The following TLK1 variants were observed in gnomAD, a reference collection of about 807,000 sequenced individuals.
TLK1 encodes the protein serine/threonine-protein kinase tousled-like 1.
TLK1 carries 24 observed loss-of-function variants against 105.3 expected under a neutral mutation model. The observed-to-expected ratio is 0.23, with a 90% CI of 0.17 to 0.32. The LOEUF (loss-of-function observed/expected upper bound fraction) is 0.32, where lower values mean the gene tolerates loss of function less well. TLK1 is among the 10% of genes least tolerant of loss of function. The probability of loss-of-function intolerance (pLI) is 1.00; values close to 1 mark genes in which losing one functional copy is unlikely to be tolerated. For synonymous variants in TLK1, 321 were observed against 310.4 expected (o/e 1.03, Z -0.36); for missense variants, 558 against 910.5 (o/e 0.61, Z 4.98).
At chr2:171,203,833 T>G (rs1693447529) in intron 1 of TLK1, among the ~76,000 whole-genome samples, 1 of 152,166 alleles carries the variant, frequency 6.6e-6, no homozygotes, top group Admixed American at 6.5e-5. Context: ...GTGGATCACC[T>G]GAGGTCAGGA....
intron 1 of TLK1, among the ~76,000 whole-genome samples, chr2:171,202,652 G>A (rs889132318): frequency 2.6e-5 from 4 of 152,112 alleles, no homozygotes; most frequent in African/African-American, 9.7e-5. Context: ...AGCTACTTGG[G>A]AGGCTGAGGC....
At chr2:171,067,398 T>G (rs926219911) in intron 3 of TLK1, among the ~76,000 whole-genome samples, 15 of 151,766 alleles carry the variant, frequency 9.9e-5, no homozygotes, top group Non-Finnish European at 2.1e-4. Context: ...CTTGACCTTG[T>G]GATCCACCCG....
chr2:171,009,148 C>T (rs1430824244), intron 14 of TLK1, among the ~76,000 whole-genome samples: 1 of 152,066 alleles, frequency 6.6e-6, no homozygotes, highest in Non-Finnish European at 1.5e-5. Context: ...TAATGCTTAT[C>T]TAAGTTAACA....
In TLK1 at chr2:171,160,663, A is replaced by C; in HGVS notation, c.-235T>G. 5.0e-6 allele frequency: 3 copies of C among 602,590 alleles called. No homozygotes were observed. The allele number at this position is 602,590 out of a possible 1,614,324, so 37.3% of individuals were successfully genotyped here. A position where few individuals can be genotyped will look rare whatever the true frequency, so the allele number is the denominator to read the frequency against. On this transcript the variant is annotated 5_prime_UTR_variant, in exon 1 of 21. Coordinates refer to ENST00000431350, the MANE Select transcript of TLK1 (RefSeq NM_012290.5). This position sits in a 1 kb window ranked among gnomAD's most constrained non-coding sequence, Gnocchi z 4.4. ...GGAAAGGGGGAGAAGCGAGGGAGCG[A>C]GCGGGCGCGCCAGAGGAGAGGAGGA...
intron 18 of TLK1, among the ~76,000 whole-genome samples, chr2:171,003,590 T>C (rs952259622): frequency 2.6e-5 from 4 of 152,246 alleles, no homozygotes; most frequent in Non-Finnish European, 5.9e-5. Flanking sequence ...AGATTACTTT[T>C]TACTGCGATA....
At chr2:171,213,009 T>A (rs924622638) in intron 1 of TLK1, among the ~76,000 whole-genome samples, 1 of 152,126 alleles carries the variant, frequency 6.6e-6, no homozygotes, top group African/African-American at 2.4e-5. Context: ...TATGAAATTA[T>A]GGCCAGAGTA....
At chr2:171,014,173 T>C (rs1685060912) in intron 13 of TLK1, among the ~76,000 whole-genome samples, 1 of 152,320 alleles carries the variant, frequency 6.6e-6, no homozygotes, top group Non-Finnish European at 1.5e-5. Flanking sequence ...GTGCCTGCCA[T>C]ATGTCAGGCA....
intron 3 of TLK1, among the ~76,000 whole-genome samples, chr2:171,063,953 C>T (rs2105450134): frequency 6.6e-6 from 1 of 152,314 alleles, no homozygotes; most frequent in African/African-American, 2.4e-5. Flanking sequence ...TGTTGTTTAA[C>T]ATACAGATTA....
chr2:171,174,837 A>G (rs750517415), intron 1 of TLK1, among the ~76,000 whole-genome samples: 1 of 151,494 alleles, frequency 6.6e-6, no homozygotes, highest in Non-Finnish European at 1.5e-5. Flanking sequence ...ATTTAGATTC[A>G]CCATCTTTTT....
chr2:171,077,785 C>T (rs1405296657), intron 3 of TLK1, among the ~76,000 whole-genome samples: 1 of 152,104 alleles, frequency 6.6e-6, no homozygotes, highest in African/African-American at 2.4e-5. Flanking sequence ...ATAGAATATA[C>T]AAGTGTAAAA....
intron 2 of TLK1, among the ~76,000 whole-genome samples, chr2:171,116,502 A>G (rs909666440): frequency 1.3e-5 from 2 of 152,040 alleles, no homozygotes; most frequent in Admixed American, 1.3e-4. Flanking sequence ...GGAGTTCGAG[A>G]CCAGCTGGCC....
chr2:171,106,190 T>G (rs1233826504), intron 2 of TLK1, among the ~76,000 whole-genome samples: 6 of 151,772 alleles, frequency 4.0e-5, no homozygotes. Context: ...CAGGGAAGAG[T>G]AGGCGGGAGG....
intron 8 of TLK1, among the ~76,000 whole-genome samples, chr2:171,051,793 G>C (rs1187750600): frequency 6.6e-6 from 1 of 152,132 alleles, no homozygotes; most frequent in Non-Finnish European, 1.5e-5. Context: ...ACATGATACA[G>C]AACACAGAAA....
chr2:171,025,606 C>T lies in TLK1; in HGVS notation c.1236+2733G>A, dbSNP rs79740709. 9.2e-5 allele frequency among the ~76,000 whole-genome samples: 14 copies of T among 152,230 alleles called. No homozygotes were observed. The East Asian group carries it at 1.9e-3, about 21-fold the overall frequency. ...TGGTAGAAGCTGTATATTTACAAGT[C>T]GGGGTTCATGTCTGCTTAATAAACC... On this transcript the variant is annotated intron_variant, in intron 12 of 20. Transcript: ENST00000431350.
At chr2:171,100,939 A>G (rs115091245) in intron 2 of TLK1, among the ~76,000 whole-genome samples, 1,966 of 152,356 alleles carry the variant, frequency 0.013, 34 homozygotes, top group African/African-American at 0.042. Flanking sequence ...ACAACTCACA[A>G]AAGAACAAAC....
intron 6 of TLK1, 73 bp downstream of exon 6, chr2:171,056,398 C>T: frequency 1.6e-6 from 2 of 1,237,104 alleles, no homozygotes; most frequent in Admixed American, 2.1e-5. Flanking sequence ...TAAAAAACAA[C>T]AAATTATAAA....
chr2:171,128,984 A>G (rs201827592), intron 1 of TLK1, among the ~76,000 whole-genome samples: 89 of 150,088 alleles, frequency 5.9e-4, no homozygotes, highest in African/African-American at 2.0e-3. Flanking sequence ...GTGTGTGTGT[A>G]TGTGTGTGTG....
chr2:171,091,315 T>C (rs1018538147), intron 2 of TLK1, among the ~76,000 whole-genome samples: 2 of 152,116 alleles, frequency 1.3e-5, no homozygotes, highest in Admixed American at 6.5e-5. Flanking sequence ...ATATTATATT[T>C]CAACAATAGA....
intron 1 of TLK1, among the ~76,000 whole-genome samples, chr2:171,182,039 T>C (rs1339635508): frequency 6.6e-6 from 1 of 152,216 alleles, no homozygotes; most frequent in Non-Finnish European, 1.5e-5. Context: ...TTTTCACTCC[T>C]ATACCTGAGC....
Sources: gnomAD v4.1 joint callset for allele counts (sites outside exome capture counted in the v4.1 genomes callset) on GRCh38, gnomAD v4.1.1 for gene constraint, Gnocchi (gnomAD v3.1) non-coding constraint, MANE v1.5 for transcripts, NCBI Gene and HGNC (gene_info 2026-07-23, HGNC 2026-07-21) for gene names.